PXDNL: variants seen among roughly 807,000 people sequenced by gnomAD.
The protein encoded by PXDNL is peroxidasin like.
Under a neutral mutation model 150.8 loss-of-function variants are expected in PXDNL, and 145 were observed. The observed-to-expected ratio is 0.96, with a 90% confidence interval of 0.84 to 1.10. The LOEUF (loss-of-function observed/expected upper bound fraction) is 1.10, where lower values mean the gene tolerates loss of function less well. Ranked by LOEUF, PXDNL falls within the 50% of genes least tolerant of loss-of-function variation. The pLI, the probability that PXDNL is intolerant of heterozygous loss-of-function variation, is 0.00. For missense variants in PXDNL, 2,087 were observed against 1,873.9 expected, an observed-to-expected ratio of 1.11 and a Z score of -2.10; for synonymous variants, 757 against 725.7, an observed-to-expected ratio of 1.04 and a Z score of -0.69.
chr8:51,614,566 G>A (rs1386010941), intron 2 of PXDNL, among the ~76,000 whole-genome samples: 3 of 152,080 alleles, frequency 2.0e-5, no homozygotes, highest in African/African-American at 7.2e-5. Flanking sequence ...ACCAATTCAC[G>A]AATTGTTACT....
chr8:51,418,330 A>G, intron 14 of PXDNL, among the ~76,000 whole-genome samples: 1 of 152,230 alleles, frequency 6.6e-6, no homozygotes, highest in East Asian at 1.9e-4. Flanking sequence ...ACTAATTTAT[A>G]CCCTATTCAG....
chr8:51,722,219 C>T (rs569160067), intron 1 of PXDNL: 1 of 153,982 alleles, frequency 6.5e-6, no homozygotes, highest in African/African-American at 2.4e-5. Context: ...GGAGAGTTCC[C>T]TGATCCACCT....
intron 14 of PXDNL, among the ~76,000 whole-genome samples, chr8:51,413,863 G>A (rs1271229619): frequency 2.6e-5 from 4 of 152,018 alleles, no homozygotes; most frequent in African/African-American, 9.6e-5. Flanking sequence ...AACAGTAAAG[G>A]AACAAATACT....
In PXDNL at chr8:51,776,885, T is replaced by C. The variant is rs1305123606; in HGVS notation, c.164+32296A>G. Among the ~76,000 whole-genome samples the C allele has an allele frequency of 2.0e-5, 3 of 152,270 alleles. No individual in the cohort carries two copies. In the East Asian group the frequency reaches 5.8e-4, roughly 29 times the overall value. ...TTTAACTCTCTCCCTTCTGTTTTGT[T>C]CTGGTTTTAATGCTGTTTATTAGCC... On this transcript the variant is annotated intron_variant, in intron 1 of 22. Coordinates refer to ENST00000356297, the MANE Select transcript of PXDNL (RefSeq NM_144651.5).
intron 1 of PXDNL, among the ~76,000 whole-genome samples, chr8:51,752,776 T>G (rs1044701599): frequency 6.6e-6 from 1 of 152,242 alleles, no homozygotes; most frequent in Non-Finnish European, 1.5e-5. Context: ...GGAATCTGTT[T>G]GGCATTGAAG....
chr8:51,685,568 C>A (rs1398371677), intron 1 of PXDNL, among the ~76,000 whole-genome samples: 1 of 152,228 alleles, frequency 6.6e-6, no homozygotes, highest in African/African-American at 2.4e-5. Context: ...GGGCTAATAT[C>A]ATTTTCTCCA....
chr8:51,354,660 A>G (rs1806449577), intron 19 of PXDNL, among the ~76,000 whole-genome samples: 1 of 152,120 alleles, frequency 6.6e-6, no homozygotes, highest in Admixed American at 6.5e-5. Context: ...ATGGTAAAAT[A>G]AAGTTCTAGT....
intron 19 of PXDNL, among the ~76,000 whole-genome samples, chr8:51,356,698 T>G (rs982991818): frequency 2.6e-5 from 4 of 152,178 alleles, no homozygotes; most frequent in African/African-American, 9.7e-5. Context: ...CATTTATCAA[T>G]CTTGGTTACT....
At chr8:51,689,792 T>C (rs1431848918) in intron 1 of PXDNL, among the ~76,000 whole-genome samples, 1 of 152,242 alleles carries the variant, frequency 6.6e-6, no homozygotes, top group African/African-American at 2.4e-5. Context: ...TTAGCCATTC[T>C]GAGAAGAATG....
At chr8:51,668,046 T>A (rs1815422108) in intron 1 of PXDNL, among the ~76,000 whole-genome samples, 1 of 152,164 alleles carries the variant, frequency 6.6e-6, no homozygotes, top group South Asian at 2.1e-4. Context: ...GGAATTCTTG[T>A]ACCAACACCA....
intron 8 of PXDNL, among the ~76,000 whole-genome samples, chr8:51,471,619 T>C (rs540621361): frequency 1.3e-5 from 2 of 152,268 alleles, no homozygotes; most frequent in Admixed American, 1.3e-4. Flanking sequence ...CATTTCCTTC[T>C]AGAAATAACA....
chr8:51,504,435 C>A (rs1007806156), intron 4 of PXDNL, among the ~76,000 whole-genome samples: 2 of 152,172 alleles, frequency 1.3e-5, no homozygotes, highest in African/African-American at 4.8e-5. Flanking sequence ...CTGCCTACAG[C>A]AGTCTCTGAA....
At chr8:51,763,272 T>A (rs1385114392) in intron 1 of PXDNL, among the ~76,000 whole-genome samples, 1 of 150,352 alleles carries the variant, frequency 6.7e-6, no homozygotes, top group Non-Finnish European at 1.5e-5. Context: ...CATGTATATA[T>A]ATAAGAAACC....
intron 2 of PXDNL, among the ~76,000 whole-genome samples, chr8:51,623,740 G>A (rs1253014487): frequency 6.6e-6 from 1 of 152,026 alleles, no homozygotes; most frequent in Non-Finnish European, 1.5e-5. Flanking sequence ...TTCTTTTGCT[G>A]TTTTGAAAAA....
intron 3 of PXDNL, among the ~76,000 whole-genome samples, chr8:51,559,836 G>A (rs911642105): frequency 1.3e-5 from 2 of 151,904 alleles, no homozygotes; most frequent in Non-Finnish European, 2.9e-5. Flanking sequence ...CAGGAAAGAA[G>A]AAAGCAAGAA....
chr8:51,494,837 TTTAACAC>T (rs1811006162), intron 5 of PXDNL, among the ~76,000 whole-genome samples: 1 of 151,784 alleles, frequency 6.6e-6, no homozygotes, highest in Admixed American at 6.6e-5. Context: ...AATGGGAGAC[TTTAACAC>T]CCCACTGTCA....
At position 51,540,032 on chromosome 8, in the gene PXDNL, G is replaced by A. The variant is rs141256823; in HGVS notation, c.380+16808C>T. Among the ~76,000 whole-genome samples, 243 of 151,810 alleles carry A rather than the reference G, an allele frequency of 1.6e-3. 1 individual carries two copies. Among genetic ancestry groups the A allele is most frequent in the Middle Eastern group, 6.8e-3 (2 of 294 alleles). On this transcript the variant is annotated intron_variant, in intron 4 of 22. Transcript: ENST00000356297. ...CCGCCTCTCAGGTCTTCTGAGTACTGGGACTACAGGTGCACACCACCATGA... is the reference window on the plus strand; with the variant it reads ...CCGCCTCTCAGGTCTTCTGAGTACTAGGACTACAGGTGCACACCACCATGA...
intron 1 of PXDNL, among the ~76,000 whole-genome samples, chr8:51,777,776 G>A (rs182821513): frequency 0.012 from 1,876 of 152,248 alleles, 29 homozygotes; most frequent in Middle Eastern, 0.044. Flanking sequence ...GGTAGTGGGC[G>A]CCTGTAATCC....
At chr8:51,615,229 A>G (rs1251418349) in intron 2 of PXDNL, among the ~76,000 whole-genome samples, 2 of 152,158 alleles carry the variant, frequency 1.3e-5, no homozygotes, top group East Asian at 1.9e-4. Flanking sequence ...TTTTAAATGC[A>G]TGAGAATTTA....
Sources: gnomAD v4.1 joint callset for allele counts (sites outside exome capture counted in the v4.1 genomes callset) on GRCh38, gnomAD v4.1.1 for gene constraint, MANE v1.5 for transcripts, NCBI Gene and HGNC (gene_info 2026-07-23, HGNC 2026-07-21) for gene names.